ARMC10: variants seen among roughly 807,000 people sequenced by gnomAD.
ARMC10 encodes armadillo repeat containing 10, also known as armadillo repeat-containing protein 10.
A neutral mutation model predicts 30.2 loss-of-function variants in ARMC10; 23 were observed. That is an observed-to-expected ratio of 0.76 (90% confidence interval 0.55 to 1.08). The LOEUF is 1.08. Among genes scored for constraint, ARMC10 ranks in the 50% least tolerant of loss-of-function variants. ARMC10 has a pLI of 0.00. For missense variants in ARMC10, 303 were observed against 413.7 expected, an observed-to-expected ratio of 0.73 and a Z score of 2.32; for synonymous variants, 111 against 164.4, an observed-to-expected ratio of 0.68 and a Z score of 2.48.
chr7:103,085,606 C>CTTTT (rs10581217), intron 3 of ARMC10, among the ~76,000 whole-genome samples: 17 of 130,582 alleles, frequency 1.3e-4, no homozygotes, highest in African/African-American at 4.8e-4. Context: ...CATTTCTCTT[C>CTTTT]TTTTTTTTTT....
intron 4 of ARMC10, among the ~76,000 whole-genome samples, chr7:103,090,383 C>T (rs2129523491): frequency 6.6e-6 from 1 of 152,258 alleles, no homozygotes; most frequent in Non-Finnish European, 1.5e-5. Context: ...AAATTAGGGC[C>T]AGGCGTGGTG....
chr7:103,078,027 A>C (rs776653052), intron 2 of ARMC10, among the ~76,000 whole-genome samples: 5 of 151,432 alleles, frequency 3.3e-5, no homozygotes, highest in Non-Finnish European at 7.4e-5. Flanking sequence ...ACGGAGTCGC[A>C]CTCTGTCTCC....
intron 4 of ARMC10, chr7:103,089,472 G>A (rs1326397349): frequency 9.9e-6 from 2 of 202,212 alleles, no homozygotes; most frequent in Admixed American, 4.4e-5. Flanking sequence ...CCATGGGGTT[G>A]ACACCACACG....
At position 103,098,334 on chromosome 7, in the gene ARMC10, C is replaced by T. The variant is rs778082650; in HGVS notation, c.813C>T (p.His271=). Reference sequence around the variant, plus strand: ...CATTCCTTTCCCTTTATGACAGCCACGTAGCAAAGGAGATTCTTCTTCGAG... The same window carrying T: ...CATTCCTTTCCCTTTATGACAGCCATGTAGCAAAGGAGATTCTTCTTCGAG... ...DSSFLSLYDS[H]VAKEILLRVL... Residue 271 remains histidine (H), a synonymous_variant, in exon 7 of 7, where the codon CAC becomes CAT. Transcript: ENST00000323716. 76 of 1,609,348 alleles carry T rather than the reference C, an allele frequency of 4.7e-5. No homozygotes were observed. Among genetic ancestry groups the T allele is most frequent in the Non-Finnish European group, 6.1e-5 (72 of 1,178,372 alleles).
At chr7:103,079,883 T>C (rs1800224400) in intron 2 of ARMC10, among the ~76,000 whole-genome samples, 1 of 152,242 alleles carries the variant, frequency 6.6e-6, no homozygotes, top group Non-Finnish European at 1.5e-5. Flanking sequence ...AAGATAATTT[T>C]ACTGAAGGGC....
intron 4 of ARMC10, among the ~76,000 whole-genome samples, chr7:103,088,482 G>GT (rs1801040459): frequency 6.6e-6 from 1 of 151,788 alleles, no homozygotes; most frequent in African/African-American, 2.4e-5. Flanking sequence ...GAAATAGAAG[G>GT]TAAAAAAAAA....
chr7:103,098,197 A>T (rs969998138), intron 6 of ARMC10, 102 bp from the exon 7 acceptor site: 26 of 1,148,236 alleles, frequency 2.3e-5, no homozygotes, highest in Admixed American at 3.8e-5. Context: ...TAAAAATTTT[A>T]AAATGTGAGT....
At chr7:103,083,122 CAGCATTTGAGGTAT>C (rs1170320371) in intron 2 of ARMC10, 1 of 456,698 alleles carries the variant, frequency 2.2e-6, no homozygotes, top group African/African-American at 2.0e-5. Context: ...AAAATGTTAT[CAGCATTTGAGGTAT>C]ATAGTATTTG....
intron 4 of ARMC10, 116 bp downstream of exon 4, chr7:103,086,880 CT>C (rs1388760413): frequency 6.5e-7 from 1 of 1,530,976 alleles, no homozygotes; most frequent in Non-Finnish European, 8.8e-7. Context: ...CAAGGATTAC[CT>C]TTAGAGGAAT....
At chr7:103,084,413 T>C (rs1173396411) in intron 3 of ARMC10, among the ~76,000 whole-genome samples, 1 of 152,230 alleles carries the variant, frequency 6.6e-6, no homozygotes, top group African/African-American at 2.4e-5. Flanking sequence ...TTGTCATAAG[T>C]ACAAAATTAT....
At chr7:103,089,126 T>G (rs1386609382) in intron 4 of ARMC10, 2 of 203,800 alleles carry the variant, frequency 9.8e-6, no homozygotes, top group African/African-American at 4.6e-5. Flanking sequence ...CCAAAACCTT[T>G]AAGACATAAA....
At chr7:103,096,443 G>A (rs976799694) in intron 5 of ARMC10, 3 of 152,246 alleles carry the variant, frequency 2.0e-5, no homozygotes, top group South Asian at 2.1e-4. Flanking sequence ...CTTACCAAAA[G>A]GGGCCATATT....
chr7:103,086,572 G>T, intron 3 of ARMC10, 58 bp from the exon 4 acceptor site: 1 of 1,518,986 alleles, frequency 6.6e-7, no homozygotes, highest in South Asian at 1.3e-5. Flanking sequence ...AGAATTCAGT[G>T]AACGGAGATG....
chr7:103,077,747 A>G (rs758128185), intron 2 of ARMC10, among the ~76,000 whole-genome samples: 9 of 152,236 alleles, frequency 5.9e-5, no homozygotes, highest in Non-Finnish European at 1.3e-4. Context: ...ATATTTTTGT[A>G]TAAGTACATT....
intron 2 of ARMC10, among the ~76,000 whole-genome samples, chr7:103,082,899 A>C (rs1800516118): frequency 6.6e-6 from 1 of 152,232 alleles, no homozygotes; most frequent in South Asian, 2.1e-4. Context: ...CATCACCACC[A>C]GCAGGACTAT....
intron 5 of ARMC10, among the ~76,000 whole-genome samples, chr7:103,094,908 C>G (rs959199880): frequency 1.3e-5 from 2 of 152,122 alleles, no homozygotes; most frequent in Non-Finnish European, 2.9e-5. Flanking sequence ...TTACCTTGTT[C>G]TCTTTTGCAT....
intron 4 of ARMC10, chr7:103,089,251 G>A: frequency 4.1e-6 from 1 of 241,798 alleles, no homozygotes. Flanking sequence ...AGTAAGATAT[G>A]GGATACCAAT....
intron 4 of ARMC10, among the ~76,000 whole-genome samples, chr7:103,090,887 A>C (rs1801258269): frequency 6.6e-6 from 1 of 152,186 alleles, no homozygotes; most frequent in African/African-American, 2.4e-5. Flanking sequence ...GTCTCTAAAA[A>C]TAAATGTAAT....
chr7:103,084,732 C>A (rs1800683211), intron 3 of ARMC10, among the ~76,000 whole-genome samples: 1 of 152,168 alleles, frequency 6.6e-6, no homozygotes, highest in Admixed American at 6.5e-5. Context: ...ATGTATTGGT[C>A]TTTATCTTTC....
Sources: allele counts gnomAD v4.1 joint callset (sites outside exome capture counted in the v4.1 genomes callset), GRCh38; gene constraint gnomAD v4.1.1; transcripts MANE v1.5; gene names NCBI Gene and HGNC (gene_info 2026-07-23, HGNC 2026-07-21).